Variants in KAZN observed in about 807,000 individuals in gnomAD.
KAZN encodes the protein kazrin, periplakin interacting protein.
A neutral mutation model predicts 87.4 loss-of-function variants in KAZN; 40 were observed. The ratio of observed to expected loss-of-function variants is 0.46; its 90% CI spans 0.36 to 0.60. The LOEUF (loss-of-function observed/expected upper bound fraction) is 0.60, where lower values mean the gene tolerates loss of function less well. Among genes scored for constraint, KAZN ranks in the 20% least tolerant of loss-of-function variants. The pLI, the probability that KAZN is intolerant of heterozygous loss-of-function variation, is 0.00. For synonymous variants in KAZN, 466 were observed against 458.3 expected (o/e 1.02, Z -0.22); for missense variants, 898 against 1,073.9 (o/e 0.84, Z 2.29).
intron 2 of KAZN, among the ~76,000 whole-genome samples, chr1:14,578,107 C>T (rs1159161244): frequency 6.6e-6 from 1 of 152,074 alleles, no homozygotes; most frequent in Non-Finnish European, 1.5e-5. Flanking sequence ...TCGGATTGGA[C>T]GCATAATGAG....
chr1:13,937,366 G>A (rs1183210435), intron 1 of KAZN, among the ~76,000 whole-genome samples: 1 of 152,030 alleles, frequency 6.6e-6, no homozygotes, highest in Non-Finnish European at 1.5e-5. Flanking sequence ...CTTTTTAATG[G>A]TGTTATTTGT....
chr1:13,900,344 C>CCCT (rs1424240636), intron 1 of KAZN, among the ~76,000 whole-genome samples: 1 of 152,148 alleles, frequency 6.6e-6, no homozygotes, highest in Non-Finnish European at 1.5e-5. Flanking sequence ...CCTGCCCAAT[C>CCCT]CCTCACCCTC....
intron 1 of KAZN, among the ~76,000 whole-genome samples, chr1:14,929,631 C>T (rs1393186639): frequency 1.3e-5 from 2 of 152,168 alleles, no homozygotes; most frequent in Non-Finnish European, 2.9e-5. Flanking sequence ...TAAACCCGGC[C>T]GAAGCCATCG....
chr1:14,369,258 T>C (rs963720946), intron 2 of KAZN, among the ~76,000 whole-genome samples: 1 of 152,224 alleles, frequency 6.6e-6, no homozygotes, highest in African/African-American at 2.4e-5. Context: ...GCTGTCTGGG[T>C]GGCAGAAATG....
At chr1:14,428,494 A>G (rs926980577) in intron 2 of KAZN, among the ~76,000 whole-genome samples, 3 of 152,342 alleles carry the variant, frequency 2.0e-5, no homozygotes, top group Admixed American at 2.0e-4. Flanking sequence ...CTGAGCTCAA[A>G]CTGAACCCTA....
At position 14,980,580 on chromosome 1, in the gene KAZN, G is replaced by A. The variant is rs142865217; in HGVS notation, c.418+19705G>A. Among the ~76,000 whole-genome samples, 56 of 152,284 alleles carry A rather than the reference G, an allele frequency of 3.7e-4. No homozygotes were observed. In the East Asian group the frequency reaches 0.01, roughly 28 times the overall value. On this transcript the variant is annotated intron_variant, in intron 2 of 14. Transcript: ENST00000376030. ...CTCCTTGACCCAGAAACACATCCTCGACTCTGCTCCAGGCTCATCTGCATA... is the reference window on the plus strand; with the variant it reads ...CTCCTTGACCCAGAAACACATCCTCAACTCTGCTCCAGGCTCATCTGCATA...
chr1:14,822,771 C>T (rs567677369), intron 1 of KAZN, among the ~76,000 whole-genome samples: 3 of 152,304 alleles, frequency 2.0e-5, no homozygotes, highest in South Asian at 2.1e-4. Context: ...TCACCTCCAT[C>T]GCTGGCTCTG....
At chr1:14,307,190 C>T (rs1557629763) in intron 2 of KAZN, among the ~76,000 whole-genome samples, 1 of 152,168 alleles carries the variant, frequency 6.6e-6, no homozygotes. Flanking sequence ...AAATGAATCA[C>T]TTCTTTCCCA....
chr1:14,432,616 T>A (rs544800520), intron 2 of KAZN, among the ~76,000 whole-genome samples: 1 of 152,272 alleles, frequency 6.6e-6, no homozygotes, highest in South Asian at 2.1e-4. Context: ...AGGTTTGTTA[T>A]GTAGGTATAC....
intron 1 of KAZN, among the ~76,000 whole-genome samples, chr1:14,120,486 C>A (rs1644729108): frequency 6.6e-6 from 1 of 152,140 alleles, no homozygotes; most frequent in Admixed American, 6.5e-5. Flanking sequence ...ACCCATATCA[C>A]ATATGTAGTT....
chr1:14,363,685 G>A (rs1659711423), intron 2 of KAZN, among the ~76,000 whole-genome samples: 1 of 152,140 alleles, frequency 6.6e-6, no homozygotes, highest in Non-Finnish European at 1.5e-5. Context: ...TGATCTTAAA[G>A]CAAAAGATGG....
At chr1:14,704,161 C>T (rs1572266403) in intron 1 of KAZN, among the ~76,000 whole-genome samples, 1 of 152,310 alleles carries the variant, frequency 6.6e-6, no homozygotes. Context: ...AGGAGAGACA[C>T]CTAGAAGACT....
At chr1:14,114,403 G>A (rs1310203504) in intron 1 of KAZN, among the ~76,000 whole-genome samples, 1 of 152,042 alleles carries the variant, frequency 6.6e-6, no homozygotes, top group Non-Finnish European at 1.5e-5. Context: ...TGCAGAATCA[G>A]GAAGGAAGTG....
At chr1:14,297,194 G>T (rs1654190855) in intron 2 of KAZN, among the ~76,000 whole-genome samples, 1 of 152,130 alleles carries the variant, frequency 6.6e-6, no homozygotes. Flanking sequence ...GCACATCCTT[G>T]TCAGGGCCTG....
chr1:14,854,737 C>T (rs192550375), intron 1 of KAZN, among the ~76,000 whole-genome samples: 63 of 152,212 alleles, frequency 4.1e-4, no homozygotes, highest in African/African-American at 1.4e-3. Flanking sequence ...TGTCTGCCAC[C>T]GCACTGGGGA....
intron 1 of KAZN, among the ~76,000 whole-genome samples, chr1:14,084,118 G>A (rs763157629): frequency 6.6e-6 from 1 of 152,248 alleles, no homozygotes; most frequent in Non-Finnish European, 1.5e-5. Context: ...CTGGAGGGAG[G>A]TGATGGTGGA....
intron 1 of KAZN, among the ~76,000 whole-genome samples, chr1:14,929,614 A>G (rs1039743395): frequency 3.2e-4 from 49 of 152,124 alleles, no homozygotes; most frequent in African/African-American, 1.1e-3. Flanking sequence ...CACACCCAAC[A>G]TGTCATTAAA....
chr1:15,100,919 C>T (rs1332096304), intron 10 of KAZN, among the ~76,000 whole-genome samples: 2 of 151,994 alleles, frequency 1.3e-5, no homozygotes, highest in African/African-American at 4.8e-5. Flanking sequence ...AGGGATGCGC[C>T]GATCAGGTGG....
rs181977849 is a variant in KAZN at position 14,285,615 on chromosome 1, C to T, written c.249+105023C>T. On this transcript the variant is annotated intron_variant, in intron 2 of 16. Coordinates refer to the KAZN transcript ENST00000636203. ...ACTCGCCACTTTATCCATACCCAAA[C>T]ATGGCATCAGCCTGGCTCCTTGGAT... Among the ~76,000 whole-genome samples, 162 of 152,350 alleles carry T rather than the reference C, an allele frequency of 1.1e-3. 3 individuals carry two copies. The highest frequency in any genetic ancestry group is 3.2e-4 in the Non-Finnish European group (22 of 68,038).
Sources: gnomAD v4.1 joint callset for allele counts (sites outside exome capture counted in the v4.1 genomes callset) on GRCh38, gnomAD v4.1.1 for gene constraint, MANE v1.5 for transcripts, NCBI Gene and HGNC (gene_info 2026-07-23, HGNC 2026-07-21) for gene names.